Variants in MARCHF1 observed in about 807,000 individuals in gnomAD.
MARCHF1 encodes the protein E3 ubiquitin-protein ligase MARCHF1.
Under a neutral mutation model 54.2 loss-of-function variants are expected in MARCHF1, and 40 were observed. The observed-to-expected ratio is 0.74, with a 90% CI of 0.57 to 0.96. The LOEUF is 0.96. MARCHF1 is among the 40% of genes least tolerant of loss of function. The pLI is 0.00. For synonymous variants in MARCHF1, 236 were observed against 236.3 expected, an observed-to-expected ratio of 1.00 and a Z score of 0.01; for missense variants, 586 against 656.5, an observed-to-expected ratio of 0.89 and a Z score of 1.17.
At chr4:164,191,684 T>A (rs1381515734) in intron 1 of MARCHF1, among the ~76,000 whole-genome samples, 1 of 152,170 alleles carries the variant, frequency 6.6e-6, no homozygotes, top group Non-Finnish European at 1.5e-5. Context: ...ATAAGTAATA[T>A]GTTAAAAACT....
chr4:163,887,507 G>C (rs1386233436), intron 3 of MARCHF1, among the ~76,000 whole-genome samples: 1 of 152,132 alleles, frequency 6.6e-6, no homozygotes, highest in Non-Finnish European at 1.5e-5. Context: ...ACCTGTTAGA[G>C]ACGTAGACTT....
chr4:164,377,046 C>A (rs1332445524), intron 1 of MARCHF1, among the ~76,000 whole-genome samples: 1 of 152,178 alleles, frequency 6.6e-6, no homozygotes, highest in Non-Finnish European at 1.5e-5. Context: ...AAGGCAGGCA[C>A]AAGAATCTAT....
Position 163,525,005 on chromosome 4 carries a change from T to C in MARCHF1, c.*3743A>G, listed in dbSNP as rs1738047686. On this transcript the variant is annotated 3_prime_UTR_variant, in exon 10 of 10. Coordinates refer to ENST00000514618, the MANE Select transcript of MARCHF1 (RefSeq NM_001394959.1). Reference sequence around the variant, plus strand: ...GTACTTCCTTTCAACTGTGTTGATATGTAAAATAGCACCATTGGGCTGACT... The same window carrying C: ...GTACTTCCTTTCAACTGTGTTGATACGTAAAATAGCACCATTGGGCTGACT... 1 of 152,176 alleles carries C rather than the reference T, an allele frequency of 6.6e-6. No homozygotes were observed. The highest frequency in any genetic ancestry group is 2.4e-5 in the African/African-American group (1 of 41,436). The allele number at this position is 152,176 out of a possible 1,614,324, so 9.4% of individuals were successfully genotyped here. A position where few individuals can be genotyped will look rare whatever the true frequency, so the allele number is the denominator to read the frequency against.
intron 7 of MARCHF1, among the ~76,000 whole-genome samples, chr4:163,593,208 T>A (rs1404621735): frequency 2.0e-5 from 3 of 152,210 alleles, no homozygotes; most frequent in Non-Finnish European, 4.4e-5. Flanking sequence ...TATGATTTTC[T>A]CTACATTTGC....
At chr4:163,605,003 A>T (rs17473493) in intron 7 of MARCHF1, among the ~76,000 whole-genome samples, 49,839 of 151,968 alleles carry the variant, frequency 0.33, 8,698 homozygotes, top group Middle Eastern at 0.39. Flanking sequence ...TTCATAAAAG[A>T]TGACACCATT....
chr4:163,639,621 T>C (rs1579145383), intron 5 of MARCHF1, among the ~76,000 whole-genome samples: 2 of 152,314 alleles, frequency 1.3e-5, no homozygotes, highest in South Asian at 4.1e-4. Flanking sequence ...TTATAAATTA[T>C]GCTTAGCTCC....
At chr4:163,827,370 C>T (rs1414388330) in intron 4 of MARCHF1, among the ~76,000 whole-genome samples, 4 of 151,952 alleles carry the variant, frequency 2.6e-5, no homozygotes, top group African/African-American at 4.8e-5. Flanking sequence ...ATGACACTTC[C>T]GTAGGAGATT....
In MARCHF1 at chr4:163,894,671, C is replaced by CATATATATATATGCATGTGATGCATAT. The variant is rs1269873416; in HGVS notation, c.-38-40503_-38-40502insATATGCATCACATGCATATATATATAT. Among the ~76,000 whole-genome samples, 2 of 938 alleles carry CATATATATATATGCATGTGATGCATAT rather than the reference C, an allele frequency of 2.1e-3. 1 individual carries two copies. The highest frequency in any genetic ancestry group is 0.017 in the Admixed American group (2 of 120). 0.6% of individuals were successfully genotyped at this position (938 alleles called of 152,430 possible). On this transcript the variant is annotated intron_variant, in intron 3 of 9. Coordinates refer to ENST00000514618, the MANE Select transcript of MARCHF1 (RefSeq NM_001394959.1). The stretch of plus-strand genomic sequence containing the variant: ...GTGATGCATATATATGCATGTGATG[C>CATATATATATATGCATGTGATGCATAT]ATATATATGCATGTGATGCATATAT...
At chr4:164,099,118 G>A (rs890743967) in intron 2 of MARCHF1, among the ~76,000 whole-genome samples, 1 of 152,168 alleles carries the variant, frequency 6.6e-6, no homozygotes, top group Non-Finnish European at 1.5e-5. Context: ...CAGGATGATT[G>A]AAGTTGGTTT....
chr4:163,744,133 TACTC>T (rs1285668538), intron 4 of MARCHF1, among the ~76,000 whole-genome samples: 1 of 152,220 alleles, frequency 6.6e-6, no homozygotes, highest in African/African-American at 2.4e-5. Context: ...GCATTCAACT[TACTC>T]ACAGGGACAG....
At chr4:164,095,401 T>C (rs1560901232) in intron 2 of MARCHF1, among the ~76,000 whole-genome samples, 1 of 146,844 alleles carries the variant, frequency 6.8e-6, no homozygotes, top group Non-Finnish European at 1.5e-5. Context: ...TTTGCTATAT[T>C]ACACACACAC....
rs58808830 is a variant in MARCHF1 at position 164,340,405 on chromosome 4, T to TTATATACATATA, written c.-323+43464_-323+43465insTATATGTATATA. 2.1e-3 allele frequency among the ~76,000 whole-genome samples: 205 copies of TTATATACATATA among 95,640 alleles called. 5 individuals are homozygous for TTATATACATATA. The highest frequency in any genetic ancestry group is 7.2e-3 in the African/African-American group (201 of 27,868). 62.7% of individuals were successfully genotyped at this position (95,640 alleles called of 152,430 possible). The stretch of plus-strand genomic sequence containing the variant: ...ACAGCACATGCCACCAGGCCTTGAT[T>TTATATACATATA]TATATATAGATATATATATATATAT... On this transcript the variant is annotated intron_variant, in intron 1 of 9. Transcript: ENST00000514618.
At chr4:163,538,512 C>CT (rs1579041790) in intron 9 of MARCHF1, among the ~76,000 whole-genome samples, 1 of 152,210 alleles carries the variant, frequency 6.6e-6, no homozygotes, top group East Asian at 1.9e-4. Flanking sequence ...TTTTTCATCT[C>CT]TTTCCTGGCT....
chr4:164,288,152 A>G (rs1285470013), intron 1 of MARCHF1, among the ~76,000 whole-genome samples: 1 of 152,140 alleles, frequency 6.6e-6, no homozygotes, highest in Non-Finnish European at 1.5e-5. Context: ...AGGTAAGAGA[A>G]TTAACGCTGA....
rs191130250 is a variant in MARCHF1 at position 163,933,028 on chromosome 4, C to T, written c.-39+55473G>A. 9.9e-5 allele frequency: 138 copies of T among 1,394,178 alleles called. No homozygotes were observed. The Admixed American group carries it at 1.1e-3, about 11-fold the overall frequency. 86.4% of individuals were successfully genotyped at this position (1,394,178 alleles called of 1,614,324 possible). A position where few individuals can be genotyped will look rare whatever the true frequency, so the allele number is the denominator to read the frequency against. ...ACACATCCAATCTGCCTGGGGCTTG[C>T]GGTTAACTTTTCTGTATTTTACTAT... is the stretch of plus-strand genomic sequence containing the variant. On this transcript the variant is annotated intron_variant, in intron 3 of 9. Transcript: ENST00000514618.
chr4:164,370,018 C>G (rs1730990857), intron 1 of MARCHF1, among the ~76,000 whole-genome samples: 1 of 152,148 alleles, frequency 6.6e-6, no homozygotes, highest in African/African-American at 2.4e-5. Context: ...AAAACCTAAG[C>G]AAGATCTTCA....
intron 1 of MARCHF1, among the ~76,000 whole-genome samples, chr4:164,315,920 G>A (rs1470592741): frequency 6.6e-6 from 1 of 152,116 alleles, no homozygotes; most frequent in East Asian, 1.9e-4. Context: ...CAGAGTAGAG[G>A]TTATGAGTGC....
At chr4:163,704,069 T>C (rs974995225) in intron 4 of MARCHF1, among the ~76,000 whole-genome samples, 1 of 151,722 alleles carries the variant, frequency 6.6e-6, no homozygotes, top group Non-Finnish European at 1.5e-5. Context: ...ACTATGTCAT[T>C]GACTGAGGGA....
At chr4:163,624,337 T>G (rs1245706977) in intron 5 of MARCHF1, among the ~76,000 whole-genome samples, 1 of 152,198 alleles carries the variant, frequency 6.6e-6, no homozygotes, top group Non-Finnish European at 1.5e-5. Context: ...CCAACACCCA[T>G]TCCTTCAAGC....
Sources: allele counts gnomAD v4.1 joint callset (sites outside exome capture counted in the v4.1 genomes callset), GRCh38; gene constraint gnomAD v4.1.1; transcripts MANE v1.5; gene names NCBI Gene and HGNC (gene_info 2026-07-23, HGNC 2026-07-21).